DNAH12: variants seen among roughly 807,000 people sequenced by gnomAD.
DNAH12 encodes axonemal beta dynein heavy chain 12.
In DNAH12, 285 loss-of-function variants were observed where a neutral mutation model predicts 371.5. The observed-to-expected ratio is 0.77, with a 90% CI of 0.70 to 0.85. The LOEUF is 0.85. DNAH12 is among the 40% of genes least tolerant of loss of function. DNAH12 has a pLI of 0.00. For synonymous variants in DNAH12, 1,200 were observed against 1,213.0 expected (o/e 0.99, Z 0.22); for missense variants, 3,611 against 3,689.4 (o/e 0.98, Z 0.55).
intron 56 of DNAH12, among the ~76,000 whole-genome samples, chr3:57,367,543 G>A (rs2063078045): frequency 6.6e-6 from 1 of 152,106 alleles, no homozygotes; most frequent in Non-Finnish European, 1.5e-5. Context: ...GCTCTTAAAG[G>A]TAATAGCACT....
At chr3:57,386,232 C>T (rs1341530116) in intron 47 of DNAH12, among the ~76,000 whole-genome samples, 4 of 152,112 alleles carry the variant, frequency 2.6e-5, no homozygotes, top group African/African-American at 7.2e-5. Flanking sequence ...TATTGAACTT[C>T]TGTAAAACTT....
intron 32 of DNAH12, among the ~76,000 whole-genome samples, chr3:57,432,397 C>A (rs952115338): frequency 2.0e-5 from 3 of 148,188 alleles, no homozygotes; most frequent in African/African-American, 7.5e-5. Context: ...TCAGGCTGGT[C>A]TCGAACTCCT....
intron 25 of DNAH12, among the ~76,000 whole-genome samples, chr3:57,447,470 T>A (rs1379453949): frequency 4.6e-5 from 7 of 152,160 alleles, no homozygotes; most frequent in African/African-American, 1.7e-4. Flanking sequence ...ACCAAGGCTG[T>A]GCATGTAAGG....
intron 30 of DNAH12, among the ~76,000 whole-genome samples, chr3:57,435,611 C>T (rs2065098510): frequency 6.6e-6 from 1 of 151,794 alleles, no homozygotes; most frequent in Admixed American, 6.6e-5. Flanking sequence ...AGTTTACTGA[C>T]CAAAAAAACT....
intron 60 of DNAH12, among the ~76,000 whole-genome samples, chr3:57,349,115 C>G (rs1185283613): frequency 6.6e-6 from 1 of 152,072 alleles, no homozygotes; most frequent in Non-Finnish European, 1.5e-5. Context: ...CTACAAGGAA[C>G]TCAAATTAGC....
intron 2 of DNAH12, among the ~76,000 whole-genome samples, chr3:57,533,002 A>G (rs530110690): frequency 1.3e-5 from 2 of 152,244 alleles, no homozygotes; most frequent in South Asian, 4.1e-4. Context: ...TTAGAAATCT[A>G]CCTGGTGTCT....
Position 57,470,449 on chromosome 3 carries a change from T to A in DNAH12, c.2099A>T (p.Glu700Val). ...TTACATTACCAGCAATTACCGTTTT[T>A]CTGATCGCTGCCACTTCAAAACAAA... is the stretch of plus-strand genomic sequence containing the variant. ...FNFVLKWQRS[E>V]KRWMDGGFLD... Residue 700 changes from glutamate to valine, a missense_variant, in exon 16 of 74, where the codon GAA (glutamate) becomes GTA (valine). Glu to Val is a moderately radical substitution (Grantham distance 121). Transcript: ENST00000495027. 6.6e-7 allele frequency: 1 copy of A among 1,512,768 alleles called. No homozygotes were observed. The allele number at this position is 1,512,768 out of a possible 1,614,324, so 93.7% of individuals were successfully genotyped here. A position where few individuals can be genotyped will look rare whatever the true frequency, so the allele number is the denominator to read the frequency against.
chr3:57,338,287 C>T (rs1239375871), intron 60 of DNAH12, among the ~76,000 whole-genome samples: 8 of 152,234 alleles, frequency 5.3e-5, no homozygotes, highest in African/African-American at 1.7e-4. Context: ...GCTGGGATTG[C>T]AGACGGAGTC....
chr3:57,472,725 G>A, intron 13 of DNAH12, 54 bp from the exon 14 acceptor site: 9 of 1,500,272 alleles, frequency 6.0e-6, no homozygotes, highest in Non-Finnish European at 8.1e-6. Context: ...ACATCATTAT[G>A]AAAAAGAGAA....
At chr3:57,338,987 T>C (rs1214823171) in intron 60 of DNAH12, among the ~76,000 whole-genome samples, 3 of 152,222 alleles carry the variant, frequency 2.0e-5, no homozygotes, top group Admixed American at 6.5e-5. Context: ...ACTGTGTCTG[T>C]GTAGAAAGAA....
Position 57,365,250 on chromosome 3 carries a change from C to T in DNAH12, c.9168-1464G>A, listed in dbSNP as rs1046514330. 7.2e-5 allele frequency among the ~76,000 whole-genome samples: 11 copies of T among 152,252 alleles called. No homozygotes were observed. In the East Asian group the frequency reaches 1.7e-3, roughly 24 times the overall value. ...TAGACTGGATAAAGAAAATGTGGTA[C>T]ATATACACCATGGAATACTATGCAG... On this transcript the variant is annotated intron_variant, in intron 57 of 73. Coordinates refer to ENST00000495027, the MANE Select transcript of DNAH12 (RefSeq NM_001366028.2).
chr3:57,482,009 G>A (rs553042830), intron 13 of DNAH12, among the ~76,000 whole-genome samples: 1 of 152,240 alleles, frequency 6.6e-6, no homozygotes, highest in East Asian at 1.9e-4. Context: ...ACATAGGCAT[G>A]GGCAAGGACT....
rs2063576521 is a variant in DNAH12 at position 57,389,838 on chromosome 3, AT to A, written c.7305+2033del. 3.5e-5 allele frequency among the ~76,000 whole-genome samples: 4 copies of A among 115,096 alleles called. 1 individual carries two copies. Among genetic ancestry groups the A allele is most frequent in the African/African-American group, 1.1e-4 (4 of 35,228 alleles). 75.5% of individuals were successfully genotyped at this position (115,096 alleles called of 152,430 possible). A position where few individuals can be genotyped will look rare whatever the true frequency, so the allele number is the denominator to read the frequency against. On this transcript the variant is annotated intron_variant, in intron 45 of 73. Transcript: ENST00000495027. ...TGTGTGTGTGTATATATATATATAT[AT>A]AATACTTTTTTTTTTGAAATGGAGT...
chr3:57,400,231 T>C (rs994833416), intron 43 of DNAH12, among the ~76,000 whole-genome samples: 41 of 152,194 alleles, frequency 2.7e-4, no homozygotes, highest in African/African-American at 8.9e-4. Flanking sequence ...GAGGTTGCAG[T>C]GAGCTGATAT....
At chr3:57,345,170 A>C (rs1340664284) in intron 60 of DNAH12, among the ~76,000 whole-genome samples, 1 of 152,176 alleles carries the variant, frequency 6.6e-6, no homozygotes, top group Admixed American at 6.5e-5. Context: ...AAATTTACAT[A>C]ATCTGTTTAC....
Position 57,301,834 on chromosome 3 carries a change from A to C in DNAH12, c.11295T>G (p.Val3765=). The change falls in exon 70 of 74, where the codon GTT becomes GTG. Residue 3765 remains valine, a synonymous_variant. Coordinates refer to ENST00000495027, the MANE Select transcript of DNAH12 (RefSeq NM_001366028.2). ...ALEALSGSLL[V]GKVPEIWAKR... ...TGGCCCATATTTCTGGAACCTTTCC[A>C]ACAAGTAAGCTACCGGAGAGTGCCT... 6.4e-7 allele frequency: 1 copy of C among 1,551,704 alleles called. No homozygotes were observed. Among genetic ancestry groups the C allele is most frequent in the Non-Finnish European group, 8.7e-7 (1 of 1,146,996 alleles).
At chr3:57,442,084 T>C (rs891261911) in intron 29 of DNAH12, among the ~76,000 whole-genome samples, 1 of 152,262 alleles carries the variant, frequency 6.6e-6, no homozygotes, top group African/African-American at 2.4e-5. Flanking sequence ...GAATTCTGTA[T>C]CTGTGAAAAT....
intron 33 of DNAH12, among the ~76,000 whole-genome samples, chr3:57,429,411 G>A (rs1233042056): frequency 2.6e-5 from 4 of 152,022 alleles, no homozygotes; most frequent in Admixed American, 2.0e-4. Context: ...TCCCACCTCA[G>A]GTGATCTGCC....
At chr3:57,549,378 A>G in the DNAH12 span, among the ~76,000 whole-genome samples, 1 of 151,704 alleles carries the variant, frequency 6.6e-6, no homozygotes, top group African/African-American at 2.4e-5. Context: ...TTAGCCAGGC[A>G]TGGTGGTGCG....
Sources: allele counts gnomAD v4.1 joint callset (sites outside exome capture counted in the v4.1 genomes callset), GRCh38; gene constraint gnomAD v4.1.1; transcripts MANE v1.5; gene names NCBI Gene and HGNC (gene_info 2026-07-23, HGNC 2026-07-21).